RPRD1A: variants seen among roughly 807,000 people sequenced by gnomAD.
The protein encoded by RPRD1A is regulation of nuclear pre-mRNA domain containing 1A.
A neutral mutation model predicts 37.8 loss-of-function variants in RPRD1A; 9 were observed. That is an observed-to-expected ratio of 0.24 (90% CI 0.14 to 0.42). The LOEUF (loss-of-function observed/expected upper bound fraction) is 0.42. RPRD1A is among the 10% of genes least tolerant of loss of function. RPRD1A has a pLI of 1.00. For synonymous variants in RPRD1A, 138 were observed against 139.7 expected, an observed-to-expected ratio of 0.99 and a Z score of 0.08; for missense variants, 255 against 371.0, an observed-to-expected ratio of 0.69 and a Z score of 2.57.
chr18:36,059,148 A>G (rs1235824716), intron 1 of RPRD1A, among the ~76,000 whole-genome samples: 1 of 152,150 alleles, frequency 6.6e-6, no homozygotes, highest in Non-Finnish European at 1.5e-5. Flanking sequence ...TCCATTTGTA[A>G]TTTTAAAAAT....
At chr18:36,025,681 G>A in intron 6 of RPRD1A, 1 of 1,277,224 alleles carries the variant, frequency 7.8e-7, no homozygotes, top group Non-Finnish European at 1.0e-6. Context: ...TCCAATATCT[G>A]CAACAGAAGC....
chr18:36,055,949 A>G (rs535171819), intron 1 of RPRD1A, among the ~76,000 whole-genome samples: 7 of 152,224 alleles, frequency 4.6e-5, no homozygotes, highest in Non-Finnish European at 1.0e-4. Flanking sequence ...AACTTTTCAC[A>G]AAATTGTGTG....
At chr18:36,029,257 G>T (rs964904140) in intron 4 of RPRD1A, among the ~76,000 whole-genome samples, 31 of 152,096 alleles carry the variant, frequency 2.0e-4, no homozygotes, top group Admixed American at 1.3e-4. Context: ...GGTAGTAATT[G>T]ATTGTATTTT....
chr18:36,002,141 G>A (rs904084345), intron 6 of RPRD1A, among the ~76,000 whole-genome samples: 7 of 152,070 alleles, frequency 4.6e-5, no homozygotes, highest in Non-Finnish European at 8.8e-5. Context: ...TGGATCAGTG[G>A]TTGGGTGTCT....
chr18:36,047,152 G>C (rs1211651236), intron 1 of RPRD1A, among the ~76,000 whole-genome samples: 1 of 151,952 alleles, frequency 6.6e-6, no homozygotes, highest in Non-Finnish European at 1.5e-5. Flanking sequence ...AGGTTACAGT[G>C]AGCTGCGATC....
chr18:36,055,879 A>AT (rs1193521332), intron 1 of RPRD1A, among the ~76,000 whole-genome samples: 4 of 152,174 alleles, frequency 2.6e-5, no homozygotes, highest in Admixed American at 2.6e-4. Context: ...GAGAATGAAA[A>AT]TACACCCAGA....
At chr18:36,034,648 C>G (rs369997979) in intron 1 of RPRD1A, among the ~76,000 whole-genome samples, 1 of 152,038 alleles carries the variant, frequency 6.6e-6, no homozygotes, top group Admixed American at 6.5e-5. Context: ...CAATGTAGTA[C>G]AGTTATATTC....
At chr18:36,051,861 AATGC>A (rs1913420389) in intron 1 of RPRD1A, among the ~76,000 whole-genome samples, 1 of 152,170 alleles carries the variant, frequency 6.6e-6, no homozygotes, top group South Asian at 2.1e-4. Context: ...CCAGTTAACA[AATGC>A]ATTATGAAGT....
chr18:36,005,348 CAAAA>C (rs895969572), intron 6 of RPRD1A, among the ~76,000 whole-genome samples: 6 of 151,786 alleles, frequency 4.0e-5, no homozygotes, highest in Non-Finnish European at 8.8e-5. Flanking sequence ...CTATTTAAAA[CAAAA>C]AAAGAAAACA....
chr18:36,029,353 G>A (rs1482560305), intron 4 of RPRD1A, among the ~76,000 whole-genome samples: 1 of 152,148 alleles, frequency 6.6e-6, no homozygotes, highest in Non-Finnish European at 1.5e-5. Flanking sequence ...CTCCCACGGA[G>A]CACTGTGAGT....
chr18:36,042,799 G>C (rs1912677994), intron 1 of RPRD1A, among the ~76,000 whole-genome samples: 1 of 152,140 alleles, frequency 6.6e-6, no homozygotes, highest in African/African-American at 2.4e-5. Context: ...AAAAGTATGG[G>C]TGAGATGACC....
intron 6 of RPRD1A, among the ~76,000 whole-genome samples, chr18:35,998,479 T>A (rs1357195488): frequency 1.3e-5 from 2 of 152,180 alleles, no homozygotes; most frequent in Non-Finnish European, 2.9e-5. Flanking sequence ...GCCACTTTAC[T>A]TCTTCTCCTC....
At chr18:36,016,475 G>A (rs1305696005) in intron 6 of RPRD1A, among the ~76,000 whole-genome samples, 2 of 152,082 alleles carry the variant, frequency 1.3e-5, no homozygotes, top group Non-Finnish European at 2.9e-5. Flanking sequence ...CGCCCGCCTC[G>A]GCTTCCCATA....
At chr18:36,015,891 C>T (rs906782535) in intron 6 of RPRD1A, among the ~76,000 whole-genome samples, 5 of 152,146 alleles carry the variant, frequency 3.3e-5, no homozygotes, top group Non-Finnish European at 7.3e-5. Flanking sequence ...GGTGCAAAAT[C>T]ATGTGAATAT....
At chr18:35,996,977 CAAAAAAA>C (rs200694089) in intron 6 of RPRD1A, among the ~76,000 whole-genome samples, 2,792 of 55,528 alleles carry the variant, frequency 0.05, 70 homozygotes, top group African/African-American at 0.2. Flanking sequence ...GACCCTGTCT[CAAAAAAA>C]AAAAAAAAAA....
At chr18:36,051,785 AATT>A (rs1295614184) in intron 1 of RPRD1A, among the ~76,000 whole-genome samples, 1 of 152,210 alleles carries the variant, frequency 6.6e-6, no homozygotes. Context: ...AGACAATTAA[AATT>A]ATTGAGTCTG....
chr18:36,040,280 C>T lies in RPRD1A; in HGVS notation c.152-6443G>A, dbSNP rs115494624. Among the ~76,000 whole-genome samples the T allele has an allele frequency of 5.4e-3, 819 of 152,288 alleles. 7 individuals are homozygous for T. Among genetic ancestry groups the T allele is most frequent in the African/African-American group, 0.019 (775 of 41,564 alleles). ...ACTTGGTATCTACCATTCACAGACA[C>T]CGCATTAGCTACTAGGAATAAAAGA... On this transcript the variant is annotated intron_variant, in intron 1 of 6. Transcript: ENST00000399022.
intron 1 of RPRD1A, among the ~76,000 whole-genome samples, chr18:36,057,039 A>C (rs1913827936): frequency 1.0e-5 from 1 of 100,494 alleles, no homozygotes; most frequent in African/African-American, 4.3e-5. Context: ...ACACAGCTAG[A>C]CCCTGTTTCT....
intron 1 of RPRD1A, among the ~76,000 whole-genome samples, chr18:36,060,207 G>A (rs1789518): frequency 1.1e-3 from 165 of 152,188 alleles, no homozygotes; most frequent in Non-Finnish European, 1.7e-3. Context: ...CAAGGTGGGC[G>A]GATCACGAGG....
Sources: gnomAD v4.1 joint callset for allele counts (sites outside exome capture counted in the v4.1 genomes callset) on GRCh38, gnomAD v4.1.1 for gene constraint, MANE v1.5 for transcripts, NCBI Gene and HGNC (gene_info 2026-07-23, HGNC 2026-07-21) for gene names.